PIBF1: variants seen among roughly 807,000 people sequenced by gnomAD.
PIBF1 encodes the protein progesterone-induced-blocking factor 1.
A neutral mutation model predicts 112.5 loss-of-function variants in PIBF1; 90 were observed. The observed-to-expected ratio is 0.80, with a 90% CI of 0.67 to 0.95. The LOEUF is 0.95. Ranked by LOEUF, PIBF1 falls within the 40% of genes least tolerant of loss-of-function variation. The probability of loss-of-function intolerance (pLI) is 0.00; values close to 1 mark genes in which losing one functional copy is unlikely to be tolerated. For synonymous variants in PIBF1, 301 were observed against 288.6 expected, an observed-to-expected ratio of 1.04 and a Z score of -0.44; for missense variants, 915 against 852.3, an observed-to-expected ratio of 1.07 and a Z score of -0.92.
intron 3 of PIBF1, among the ~76,000 whole-genome samples, chr13:72,794,216 A>G (rs1235382927): frequency 6.6e-6 from 1 of 152,194 alleles, no homozygotes; most frequent in Admixed American, 6.5e-5. Context: ...GATCATTTGC[A>G]ATTTAGATGT....
At chr13:72,809,187 G>A (rs916629460) in intron 5 of PIBF1, among the ~76,000 whole-genome samples, 4 of 110,502 alleles carry the variant, frequency 3.6e-5, no homozygotes, top group African/African-American at 1.4e-4. Flanking sequence ...TTTGGAAAAT[G>A]TGATTATTTT....
intron 16 of PIBF1, among the ~76,000 whole-genome samples, chr13:72,987,380 C>A (rs1011758962): frequency 6.7e-6 from 1 of 149,906 alleles, no homozygotes; most frequent in African/African-American, 2.5e-5. Context: ...TAGATTAATA[C>A]CTAATGTGTC....
At chr13:72,901,945 C>T (rs776688764) in intron 11 of PIBF1, among the ~76,000 whole-genome samples, 1 of 150,454 alleles carries the variant, frequency 6.6e-6, no homozygotes, top group Non-Finnish European at 1.5e-5. Flanking sequence ...ATTGCAAAAT[C>T]GTGGAACCAA....
chr13:72,851,620 G>T (rs1037056737), intron 9 of PIBF1, among the ~76,000 whole-genome samples: 1 of 152,244 alleles, frequency 6.6e-6, no homozygotes, highest in Non-Finnish European at 1.5e-5. Flanking sequence ...GCGGAAAGGG[G>T]TGGGTCCCTG....
At chr13:72,815,837 T>G (rs2036242963) in intron 5 of PIBF1, among the ~76,000 whole-genome samples, 1 of 152,154 alleles carries the variant, frequency 6.6e-6, no homozygotes, top group Non-Finnish European at 1.5e-5. Flanking sequence ...TTAATACTGT[T>G]AAGGCTTATC....
At chr13:72,977,550 G>T (rs1298467150) in intron 16 of PIBF1, among the ~76,000 whole-genome samples, 1 of 152,134 alleles carries the variant, frequency 6.6e-6, no homozygotes, top group Non-Finnish European at 1.5e-5. Flanking sequence ...TTCTGATTAG[G>T]CTGTATGTGT....
At chr13:72,823,854 A>G (rs2036677611) in intron 6 of PIBF1, among the ~76,000 whole-genome samples, 1 of 152,010 alleles carries the variant, frequency 6.6e-6, no homozygotes, top group Non-Finnish European at 1.5e-5. Context: ...CTCTTTGTCT[A>G]AGAAGTCTTG....
rs774690476 is a variant in PIBF1, at chr13:72,998,794, A to T, written c.2050-28A>T. ...TCTGCTTGCTAAAATCACTCTTGCT[A>T]CTTTCTTCTGTTTTCATATATCAAC... On this transcript the variant is annotated intron_variant, in intron 16 of 17. Transcript: ENST00000326291. 5 of 1,555,408 alleles carry T rather than the reference A, an allele frequency of 3.2e-6. No homozygotes were observed. In the African/African-American group the frequency reaches 5.5e-5, roughly 17 times the overall value.
chr13:72,827,824 A>G lies in PIBF1; in HGVS notation c.1007A>G (p.His336Arg). ...ATGGAGCTTAGTGTTCGCTGTGCTC[A>G]TGAAGAGGATCGCCTTGAAAGACTT... ...QNMELSVRCA[H>R]EEDRLERLQA... Residue 336 changes from histidine to arginine, a missense_variant, in exon 8 of 18, where the codon CAT becomes CGT. Physicochemically the swap from His to Arg is conservative, Grantham distance 29. Transcript: ENST00000326291. The G allele has an allele frequency of 6.2e-7, 1 of 1,603,990 alleles. No individual in the cohort carries two copies. Among genetic ancestry groups the G allele is most frequent in the Non-Finnish European group, 8.5e-7 (1 of 1,175,244 alleles).
At chr13:72,917,195 AT>A in intron 13 of PIBF1, 29 bp downstream of exon 13, 1 of 1,332,644 alleles carries the variant, frequency 7.5e-7, no homozygotes, top group South Asian at 1.4e-5. Context: ...TATTTTATTT[AT>A]CTACTCAAGA....
chr13:72,817,950 AT>A (rs1484596719), intron 5 of PIBF1, among the ~76,000 whole-genome samples: 1 of 152,288 alleles, frequency 6.6e-6, no homozygotes, highest in East Asian at 1.9e-4. Context: ...AAATTGTCCA[AT>A]TGAAAAATTG....
At chr13:72,856,030 C>G (rs888697813) in intron 10 of PIBF1, among the ~76,000 whole-genome samples, 1 of 152,062 alleles carries the variant, frequency 6.6e-6, no homozygotes, top group Non-Finnish European at 1.5e-5. Flanking sequence ...TAAAACTGAC[C>G]AATTTATATT....
rs561921601 is a variant in PIBF1, at chr13:72,798,684, C to G, written c.672+658C>G. Among the ~76,000 whole-genome samples the G allele has an allele frequency of 2.6e-5, 4 of 152,170 alleles. No individual in the cohort carries two copies. In the South Asian group the frequency reaches 8.3e-4, roughly 32 times the overall value. ...ATTATTGACCAGATATCCTAGAATA[C>G]TATCTTGTAGTTATAGTCTACTAAC... On this transcript the variant is annotated intron_variant, in intron 5 of 17. Coordinates refer to ENST00000326291, the MANE Select transcript of PIBF1 (RefSeq NM_006346.4).
intron 3 of PIBF1, 87 bp downstream of exon 3, chr13:72,792,634 G>A (rs756186795): frequency 4.6e-6 from 3 of 658,684 alleles, no homozygotes; most frequent in Non-Finnish European, 2.5e-6. Flanking sequence ...GTGACTGTAA[G>A]CTAAAATAGA....
At position 72,973,587 on chromosome 13, in the gene PIBF1, T is replaced by C. The variant is rs933539267; in HGVS notation, c.1965-4T>C. ...CTTTTTAAAACTGGGGTTTTTTTTT[T>C]CAGCAACTTAAATAAAGAAAAGTCA... is the stretch of plus-strand genomic sequence containing the variant. On this transcript the variant is annotated splice_region_variant and splice_polypyrimidine_tract_variant and intron_variant, in intron 15 of 17. Coordinates refer to ENST00000326291, the MANE Select transcript of PIBF1 (RefSeq NM_006346.4). 187 of 1,514,598 alleles carry C rather than the reference T, an allele frequency of 1.2e-4. No homozygotes were observed. The highest frequency in any genetic ancestry group is 1.8e-4 in the Middle Eastern group (1 of 5,706). 93.8% of individuals were successfully genotyped at this position (1,514,598 alleles called of 1,614,324 possible).
chr13:72,856,310 C>A (rs1162264019), intron 10 of PIBF1, among the ~76,000 whole-genome samples: 1 of 152,096 alleles, frequency 6.6e-6, no homozygotes, highest in East Asian at 1.9e-4. Context: ...ATCTTTCCAA[C>A]GAATTTTTCA....
Position 72,889,219 on chromosome 13 carries a change from A to G in PIBF1, c.1323-4565A>G, listed in dbSNP as rs542218174. Among the ~76,000 whole-genome samples the G allele has an allele frequency of 3.7e-4, 56 of 152,312 alleles. No individual in the cohort carries two copies. The South Asian group carries it at 0.011, about 31-fold the overall frequency. On this transcript the variant is annotated intron_variant, in intron 10 of 17. Transcript: ENST00000326291. Reference sequence around the variant, plus strand: ...AGCTTATCCTTATAAGCAAGATTGAATTCTCAGTTGACTAGACACATCAGC... The same window carrying G: ...AGCTTATCCTTATAAGCAAGATTGAGTTCTCAGTTGACTAGACACATCAGC...
At chr13:72,999,739 C>CT (rs1463685995) in intron 17 of PIBF1, among the ~76,000 whole-genome samples, 1 of 152,124 alleles carries the variant, frequency 6.6e-6, no homozygotes, top group Admixed American at 6.5e-5. Context: ...TTCAACCTCC[C>CT]TTTTTAAAAA....
chr13:72,797,265 T>C (rs2035242726), intron 4 of PIBF1, among the ~76,000 whole-genome samples: 1 of 152,098 alleles, frequency 6.6e-6, no homozygotes, highest in African/African-American at 2.4e-5. Context: ...ATTTATTGAG[T>C]GCTTATCATA....
Sources: gnomAD v4.1 joint callset for allele counts (sites outside exome capture counted in the v4.1 genomes callset) on GRCh38, gnomAD v4.1.1 for gene constraint, MANE v1.5 for transcripts, NCBI Gene and HGNC (gene_info 2026-07-23, HGNC 2026-07-21) for gene names.